The following GABRB1 variants were observed in gnomAD, a reference collection of about 807,000 sequenced individuals.
The protein encoded by GABRB1 is gamma-aminobutyric acid receptor subunit beta-1.
GABRB1 carries 17 observed loss-of-function variants against 51.6 expected under a neutral mutation model. That is an observed-to-expected ratio of 0.33 (90% CI 0.23 to 0.49). The LOEUF (loss-of-function observed/expected upper bound fraction) is 0.49, where lower values mean the gene tolerates loss of function less well. GABRB1 is among the 20% of genes least tolerant of loss of function. The pLI is 0.99. For missense variants in GABRB1, 410 were observed against 600.6 expected (o/e 0.68, Z 3.32); for synonymous variants, 247 against 218.9 (o/e 1.13, Z -1.14).
chr4:47,275,693 G>A (rs919171071), intron 4 of GABRB1, among the ~76,000 whole-genome samples: 8 of 152,086 alleles, frequency 5.3e-5, no homozygotes, highest in East Asian at 3.9e-4. Flanking sequence ...ACCACCAGAC[G>A]CCTTGTCTGA....
chr4:47,130,049 C>T (rs1310959338), intron 3 of GABRB1, among the ~76,000 whole-genome samples: 1 of 152,116 alleles, frequency 6.6e-6, no homozygotes, highest in South Asian at 2.1e-4. Flanking sequence ...GAATCACATG[C>T]CCTCTCCTCC....
intron 4 of GABRB1, among the ~76,000 whole-genome samples, chr4:47,254,926 A>G (rs1722143597): frequency 6.6e-6 from 1 of 152,206 alleles, no homozygotes; most frequent in Non-Finnish European, 1.5e-5. Flanking sequence ...ACTGCAGGAG[A>G]GAACTGAGGC....
intron 3 of GABRB1, among the ~76,000 whole-genome samples, chr4:47,111,235 C>A (rs1360126271): frequency 1.3e-5 from 2 of 151,946 alleles, no homozygotes; most frequent in Non-Finnish European, 2.9e-5. Context: ...GATAATTTTT[C>A]AACGTCTCAC....
intron 4 of GABRB1, among the ~76,000 whole-genome samples, chr4:47,269,544 C>T (rs1440335466): frequency 6.6e-6 from 1 of 152,102 alleles, no homozygotes; most frequent in Non-Finnish European, 1.5e-5. Context: ...TTTTTGTCAA[C>T]ATCCAACAAT....
intron 4 of GABRB1, among the ~76,000 whole-genome samples, chr4:47,183,200 A>C (rs1426714729): frequency 1.3e-5 from 2 of 151,508 alleles, no homozygotes; most frequent in Non-Finnish European, 3.0e-5. Context: ...TCTGTGACCC[A>C]CAAGCATTTC....
intron 3 of GABRB1, among the ~76,000 whole-genome samples, chr4:47,078,552 C>T (rs1306970929): frequency 6.6e-6 from 1 of 152,142 alleles, no homozygotes; most frequent in Non-Finnish European, 1.5e-5. Context: ...AATTTAGAGA[C>T]CTGACTTTTA....
At chr4:47,327,780 A>G (rs1725310591) in intron 5 of GABRB1, among the ~76,000 whole-genome samples, 1 of 152,242 alleles carries the variant, frequency 6.6e-6, no homozygotes, top group African/African-American at 2.4e-5. Context: ...GTCATATTTA[A>G]TTATTTCCAA....
At chr4:47,141,269 C>T (rs906000925) in intron 3 of GABRB1, among the ~76,000 whole-genome samples, 3 of 151,932 alleles carry the variant, frequency 2.0e-5, no homozygotes, top group East Asian at 1.9e-4. Context: ...GTCCATCAGC[C>T]TGCTTCATTC....
At chr4:47,296,302 A>G (rs1723990549) in intron 4 of GABRB1, among the ~76,000 whole-genome samples, 1 of 152,230 alleles carries the variant, frequency 6.6e-6, no homozygotes, top group African/African-American at 2.4e-5. Context: ...CAATTAGAAG[A>G]CACAGACTGG....
rs761939071 is a variant in GABRB1 at position 47,425,909 on chromosome 4, A to AGATCCCCGACTTGACTGATGTGTCTTT, written c.1338_1339insTCTTTGATCCCCGACTTGACTGATGTG (p.Val446_Asn447insSerLeuIleProAspLeuThrAspVal). 2.4e-5 allele frequency: 38 copies of AGATCCCCGACTTGACTGATGTGTCTTT among 1,614,078 alleles called. No homozygotes were observed. Among genetic ancestry groups the AGATCCCCGACTTGACTGATGTGTCTTT allele is most frequent in the Non-Finnish European group, 3.1e-5 (37 of 1,180,014 alleles). On this transcript the variant is annotated inframe_insertion, in exon 9 of 9. Transcript: ENST00000295454. Reference sequence around the variant, plus strand: ...AGGCGTGCCTCCCAGCTCAAAGTCAAGATCCCCGACTTGACTGATGTGAAT... The same window carrying AGATCCCCGACTTGACTGATGTGTCTTT: ...AGGCGTGCCTCCCAGCTCAAAGTCAAGATCCCCGACTTGACTGATGTGTCTTTGATCCCCGACTTGACTGATGTGAAT...
chr4:47,301,261 A>G (rs1327546842), intron 4 of GABRB1, among the ~76,000 whole-genome samples: 1 of 152,200 alleles, frequency 6.6e-6, no homozygotes, highest in African/African-American at 2.4e-5. Context: ...TGGATATTAT[A>G]GTAGATTACC....
At position 47,108,510 on chromosome 4, in the gene GABRB1, A is replaced by T. The variant is rs115427102; in HGVS notation, c.241-52739A>T. Among the ~76,000 whole-genome samples the T allele has an allele frequency of 4.2e-3, 633 of 152,166 alleles. 3 individuals are homozygous for T. Among genetic ancestry groups the T allele is most frequent in the Middle Eastern group, 6.8e-3 (2 of 294 alleles). ...AATAAAAAAGCATAAATTTCTGAAT[A>T]CAAATACCAAAGTTTCACCTATATT... is the stretch of plus-strand genomic sequence containing the variant. On this transcript the variant is annotated intron_variant, in intron 3 of 8. Coordinates refer to ENST00000295454, the MANE Select transcript of GABRB1 (RefSeq NM_000812.4).
At chr4:47,007,799 G>A (rs1467737657) in intron 1 of GABRB1, among the ~76,000 whole-genome samples, 2 of 148,934 alleles carry the variant, frequency 1.3e-5, no homozygotes, top group Non-Finnish European at 3.0e-5. Flanking sequence ...GGAGATGTAA[G>A]CCTTACTTAG....
chr4:47,191,052 G>T (rs1370194132), intron 4 of GABRB1, among the ~76,000 whole-genome samples: 2 of 152,030 alleles, frequency 1.3e-5, no homozygotes, highest in Non-Finnish European at 2.9e-5. Context: ...AAGCATTTAT[G>T]GTCTATTTAT....
chr4:47,192,404 A>G (rs1049748930), intron 4 of GABRB1, among the ~76,000 whole-genome samples: 1 of 152,200 alleles, frequency 6.6e-6, no homozygotes, highest in Non-Finnish European at 1.5e-5. Context: ...TTGTGAAAAA[A>G]GGAAAATGTA....
intron 4 of GABRB1, among the ~76,000 whole-genome samples, chr4:47,176,883 C>T (rs147529278): frequency 2.0e-5 from 3 of 152,076 alleles, no homozygotes; most frequent in Non-Finnish European, 4.4e-5. Context: ...ACAATGATTT[C>T]TTAAGATAGA....
chr4:47,354,930 TGCC>T lies in GABRB1; in HGVS notation c.544+34722_544+34724del, dbSNP rs571151494. ...CTGCCTGCCTGCCTGCCTGCCTGCC[TGCC>T]TGCCTGCCTTCCTTTCTCTCTCCTT... On this transcript the variant is annotated intron_variant, in intron 5 of 8. Transcript: ENST00000295454. Among the ~76,000 whole-genome samples, 48 of 146,740 alleles carry T rather than the reference TGCC, an allele frequency of 3.3e-4. No homozygotes were observed. The East Asian group carries it at 9.3e-3, about 28-fold the overall frequency.
At chr4:47,262,160 A>C (rs1722466164) in intron 4 of GABRB1, among the ~76,000 whole-genome samples, 1 of 151,642 alleles carries the variant, frequency 6.6e-6, no homozygotes, top group Non-Finnish European at 1.5e-5. Flanking sequence ...AAAACACCAA[A>C]AGCAATGGCA....
intron 4 of GABRB1, among the ~76,000 whole-genome samples, chr4:47,190,177 G>A (rs1472633078): frequency 2.6e-5 from 4 of 152,036 alleles, no homozygotes; most frequent in Admixed American, 2.0e-4. Context: ...GAACATACCT[G>A]ACAAGGTTTC....
Sources: gnomAD v4.1 joint callset for allele counts (sites outside exome capture counted in the v4.1 genomes callset) on GRCh38, gnomAD v4.1.1 for gene constraint, MANE v1.5 for transcripts, NCBI Gene and HGNC (gene_info 2026-07-23, HGNC 2026-07-21) for gene names.